The following LYPD6 variants were observed in gnomAD, a reference collection of about 807,000 sequenced individuals.
LYPD6 encodes the protein ly6/PLAUR domain-containing protein 6.
A neutral mutation model predicts 22.7 loss-of-function variants in LYPD6; 15 were observed. The ratio of observed to expected loss-of-function variants is 0.66; its 90% confidence interval spans 0.44 to 1.02. The LOEUF is 1.02. Ranked by LOEUF, LYPD6 falls within the 50% of genes least tolerant of loss-of-function variation. The pLI is 0.00. For missense variants in LYPD6, 189 were observed against 208.4 expected, an observed-to-expected ratio of 0.91 and a Z score of 0.57; for synonymous variants, 72 against 77.5, an observed-to-expected ratio of 0.93 and a Z score of 0.37.
chr2:149,404,631 G>A (rs1682651320), intron 1 of LYPD6, among the ~76,000 whole-genome samples: 1 of 152,164 alleles, frequency 6.6e-6, no homozygotes, highest in Non-Finnish European at 1.5e-5. Flanking sequence ...AGGAGATTTT[G>A]GGCTGAGACA....
At chr2:149,455,634 TC>T (rs1198809050) in intron 3 of LYPD6, among the ~76,000 whole-genome samples, 3 of 152,122 alleles carry the variant, frequency 2.0e-5, no homozygotes, top group Non-Finnish European at 4.4e-5. Flanking sequence ...TCTAACCTTC[TC>T]CAATTCACAA....
intron 1 of LYPD6, among the ~76,000 whole-genome samples, chr2:149,430,067 A>G (rs981883575): frequency 1.3e-5 from 2 of 152,184 alleles, no homozygotes; most frequent in African/African-American, 4.8e-5. Context: ...CTCACATCTC[A>G]ATGGAGACAT....
At chr2:149,475,013 C>G (rs141842539), downstream of LYPD6, among the ~76,000 whole-genome samples, 1 of 152,130 alleles carries the variant, frequency 6.6e-6, no homozygotes, top group Non-Finnish European at 1.5e-5. Context: ...ACGATCCACC[C>G]GCTTTGGCCT....
chr2:149,433,905 T>C (rs1279763919), intron 1 of LYPD6, among the ~76,000 whole-genome samples: 1 of 152,196 alleles, frequency 6.6e-6, no homozygotes, highest in Non-Finnish European at 1.5e-5. Context: ...AGCATTAGTG[T>C]ATAATTTTAT....
chr2:149,485,674 AT>A, the LYPD6 span, among the ~76,000 whole-genome samples: 1 of 152,314 alleles, frequency 6.6e-6, no homozygotes, highest in South Asian at 2.1e-4. Context: ...TCCTGTATTA[AT>A]AGCACGGCAA....
the LYPD6 span, among the ~76,000 whole-genome samples, chr2:149,481,850 C>T: frequency 6.6e-6 from 1 of 152,052 alleles, no homozygotes. Flanking sequence ...GGTTATATTA[C>T]TTTTATAATG....
chr2:149,343,408 T>C (rs1247618761), intron 1 of LYPD6, among the ~76,000 whole-genome samples: 1 of 152,258 alleles, frequency 6.6e-6, no homozygotes, highest in Non-Finnish European at 1.5e-5. Flanking sequence ...TTGAGGAGAA[T>C]GACAAACATC....
intron 3 of LYPD6, among the ~76,000 whole-genome samples, chr2:149,450,741 G>A (rs961253819): frequency 6.6e-6 from 1 of 152,202 alleles, no homozygotes; most frequent in African/African-American, 2.4e-5. Flanking sequence ...AGACTTGGCT[G>A]TCTATTGAAA....
downstream of LYPD6, among the ~76,000 whole-genome samples, chr2:149,476,062 G>GA (rs1413707113): frequency 1.3e-5 from 2 of 152,146 alleles, no homozygotes. Context: ...ATACAGGAGA[G>GA]AAAAGAACCC....
At chr2:149,417,827 T>A (rs1682997124) in intron 1 of LYPD6, among the ~76,000 whole-genome samples, 1 of 152,208 alleles carries the variant, frequency 6.6e-6, no homozygotes, top group African/African-American at 2.4e-5. Flanking sequence ...AATATCAATA[T>A]TGTTTTCATC....
intron 1 of LYPD6, among the ~76,000 whole-genome samples, chr2:149,395,859 A>G (rs151150645): frequency 8.4e-4 from 128 of 152,294 alleles, no homozygotes; most frequent in African/African-American, 2.8e-3. Context: ...TTTAGAACCT[A>G]TTGATGTAAC....
At chr2:149,333,095 A>G (rs537395936) in intron 1 of LYPD6, among the ~76,000 whole-genome samples, 1 of 152,318 alleles carries the variant, frequency 6.6e-6, no homozygotes, top group South Asian at 2.1e-4. Context: ...TGCTATTCTT[A>G]TTTTAAAAAG....
intron 1 of LYPD6, among the ~76,000 whole-genome samples, chr2:149,379,725 G>A (rs1228255683): frequency 6.6e-6 from 1 of 152,188 alleles, no homozygotes; most frequent in Admixed American, 6.5e-5. Flanking sequence ...ATCATTCACA[G>A]CTAATAGCTG....
intron 1 of LYPD6, among the ~76,000 whole-genome samples, chr2:149,426,589 T>C (rs1200347866): frequency 6.6e-6 from 1 of 152,192 alleles, no homozygotes; most frequent in African/African-American, 2.4e-5. Flanking sequence ...CTTCCTCCTG[T>C]CCCCAGAATC....
intron 1 of LYPD6, among the ~76,000 whole-genome samples, chr2:149,339,127 A>T (rs10445728): frequency 0.23 from 34,237 of 152,080 alleles, 4,773 homozygotes; most frequent in East Asian, 0.57. Context: ...TGTATACATT[A>T]TGAAGGTCAC....
the LYPD6 span, among the ~76,000 whole-genome samples, chr2:149,479,966 C>T: frequency 9.9e-5 from 15 of 152,114 alleles, no homozygotes; most frequent in Non-Finnish European, 1.8e-4. Flanking sequence ...ACACCTGTTA[C>T]ATGCCCTTTG....
rs375198986 is a variant in LYPD6, at chr2:149,406,772, A to C, written c.-71-30866A>C. Among the ~76,000 whole-genome samples, 14 of 151,732 alleles carry C rather than the reference A, an allele frequency of 9.2e-5. No homozygotes were observed. In the South Asian group the frequency reaches 1.7e-3, roughly 18 times the overall value. ...TGTTATGTGTGAATTTGATCCTGTC[A>C]TTATGATGTTAGCTGGTTATTTTGC... is the stretch of plus-strand genomic sequence containing the variant. On this transcript the variant is annotated intron_variant, in intron 1 of 4. Coordinates refer to ENST00000334166, the MANE Select transcript of LYPD6 (RefSeq NM_194317.5).
chr2:149,332,916 C>T (rs558151589), intron 1 of LYPD6, among the ~76,000 whole-genome samples: 1 of 152,142 alleles, frequency 6.6e-6, no homozygotes, highest in Non-Finnish European at 1.5e-5. Context: ...GTTAAAGGTA[C>T]ATATAATCAA....
intron 1 of LYPD6, among the ~76,000 whole-genome samples, chr2:149,337,637 A>AG (rs1332675421): frequency 6.6e-6 from 1 of 152,120 alleles, no homozygotes; most frequent in Non-Finnish European, 1.5e-5. Flanking sequence ...CCTTTAAAAA[A>AG]AAAACTTATA....
Sources: allele counts gnomAD v4.1 joint callset (sites outside exome capture counted in the v4.1 genomes callset), GRCh38; gene constraint gnomAD v4.1.1; transcripts MANE v1.5; gene names NCBI Gene and HGNC (gene_info 2026-07-23, HGNC 2026-07-21).